Variants in KLF9 observed in about 807,000 individuals in gnomAD.
KLF9 encodes the protein Krueppel-like factor 9.
Under a neutral mutation model 17.3 loss-of-function variants are expected in KLF9, and 2 were observed. The ratio of observed to expected loss-of-function variants is 0.12; its 90% CI spans 0.05 to 0.36. KLF9 has a LOEUF of 0.36. KLF9 is among the 10% of genes least tolerant of loss of function. The pLI, the probability that KLF9 is intolerant of heterozygous loss-of-function variation, is 1.00. For missense variants in KLF9, 226 were observed against 333.2 expected, an observed-to-expected ratio of 0.68 and a Z score of 2.51; for synonymous variants, 138 against 139.2, an observed-to-expected ratio of 0.99 and a Z score of 0.06.
rs71489077 is a variant in KLF9, at chr9:70,409,187, T to TAC, written c.505+3671_505+3672insGT. Among the ~76,000 whole-genome samples, 26 of 62,248 alleles carry TAC rather than the reference T, an allele frequency of 4.2e-4. 1 individual carries two copies. The highest frequency in any genetic ancestry group is 1.0e-3 in the African/African-American group (24 of 23,632). The allele number at this position is 62,248 out of a possible 152,430, so 40.8% of individuals were successfully genotyped here. The stretch of plus-strand genomic sequence containing the variant: ...ACATATATGTATATATATGTATACA[T>TAC]ATACATGTATATGTATATATATATA... On this transcript the variant is annotated intron_variant, in intron 1 of 1. Transcript: ENST00000377126.
chr9:70,400,005 G>T (rs2037210785), intron 1 of KLF9, among the ~76,000 whole-genome samples: 1 of 152,202 alleles, frequency 6.6e-6, no homozygotes, highest in Non-Finnish European at 1.5e-5. Context: ...TAGAGACACA[G>T]AGGTCTCTAA....
At chr9:70,389,356 A>G (rs1564085564) in intron 1 of KLF9, among the ~76,000 whole-genome samples, 1 of 151,954 alleles carries the variant, frequency 6.6e-6, no homozygotes, top group Non-Finnish European at 1.5e-5. Flanking sequence ...AGCACTCCAC[A>G]AGGTTGCCCC....
chr9:70,408,740 T>C (rs1238884302), intron 1 of KLF9, among the ~76,000 whole-genome samples: 1 of 152,206 alleles, frequency 6.6e-6, no homozygotes. Flanking sequence ...GGCAACCTCA[T>C]GCCTTTAAGC....
At chr9:70,409,018 ATATG>A (rs1226392866) in intron 1 of KLF9, among the ~76,000 whole-genome samples, 1 of 132,902 alleles carries the variant, frequency 7.5e-6, no homozygotes, top group Non-Finnish European at 1.6e-5. Flanking sequence ...ATATACACAT[ATATG>A]TATATATATA....
chr9:70,397,341 G>A (rs1298426498), intron 1 of KLF9, among the ~76,000 whole-genome samples: 2 of 152,034 alleles, frequency 1.3e-5, no homozygotes, highest in Non-Finnish European at 2.9e-5. Flanking sequence ...CAGGCATGGT[G>A]GCACATGCCT....
chr9:70,413,368 C>A lies in KLF9; in HGVS notation c.-5G>T, dbSNP rs1299555626. 3 of 1,508,226 alleles carry A rather than the reference C, an allele frequency of 2.0e-6. No homozygotes were observed. The highest frequency in any genetic ancestry group is 1.8e-6 in the Non-Finnish European group (2 of 1,130,080). The allele number at this position is 1,508,226 out of a possible 1,614,324, so 93.4% of individuals were successfully genotyped here. ...CATGTAGGCGGCCGCGGACATGGTG[C>A]GGGCGACGGCAGCCCAGGCGGCGCG... On this transcript the variant is annotated 5_prime_UTR_variant, in exon 1 of 2. Coordinates refer to ENST00000377126, the MANE Select transcript of KLF9 (RefSeq NM_001206.4). This position sits in a 1 kb window ranked among gnomAD's most constrained non-coding sequence, Gnocchi z 5.6.
intron 1 of KLF9, among the ~76,000 whole-genome samples, chr9:70,402,208 G>A (rs1396728948): frequency 6.6e-6 from 1 of 152,118 alleles, no homozygotes; most frequent in African/African-American, 2.4e-5. Flanking sequence ...AAAGCCAGCT[G>A]TTTGGTTGTC....
chr9:70,387,858 A>C lies in KLF9; in HGVS notation c.653T>G (p.Leu218Arg). 6.2e-7 allele frequency: 1 copy of C among 1,613,816 alleles called. No individual in the cohort carries two copies. The change falls in exon 2 of 2, where the codon CTC (leucine) becomes CGC (arginine). Residue 218 changes from leucine (L) to arginine (R), a missense_variant. Physicochemically the swap from Leu to Arg is moderately radical, Grantham distance 102 (BLOSUM62 -2). Transcript: ENST00000377126. ...GGTGTGCCGCCGGGCGTGCTTTGTGAGGTGGTCACTCCTCATGAAGCGCTT... is the reference window on the plus strand; with the variant it reads ...GGTGTGCCGCCGGGCGTGCTTTGTGCGGTGGTCACTCCTCATGAAGCGCTT... ...CEKRFMRSDH[L>R]TKHARRHTEF...
intron 1 of KLF9, among the ~76,000 whole-genome samples, chr9:70,403,137 G>A (rs953555991): frequency 3.9e-5 from 6 of 152,130 alleles, no homozygotes; most frequent in African/African-American, 1.4e-4. Context: ...GCAGCAGGGC[G>A]AGACTTTGTC....
chr9:70,393,102 A>G (rs970448753), intron 1 of KLF9, among the ~76,000 whole-genome samples: 1 of 152,192 alleles, frequency 6.6e-6, no homozygotes, highest in African/African-American at 2.4e-5. Flanking sequence ...CTCAGAGTAT[A>G]AAATAAATGT....
intron 1 of KLF9, among the ~76,000 whole-genome samples, chr9:70,397,630 T>G (rs2037190957): frequency 6.6e-6 from 1 of 152,174 alleles, no homozygotes; most frequent in Non-Finnish European, 1.5e-5. Context: ...GAGGTGGAAA[T>G]GCACAAACAG....
chr9:70,407,103 T>A (rs1210258144), intron 1 of KLF9, among the ~76,000 whole-genome samples: 1 of 152,112 alleles, frequency 6.6e-6, no homozygotes, highest in Non-Finnish European at 1.5e-5. Context: ...ATCCGCCCAC[T>A]TTTCTTCTCA....
chr9:70,390,977 A>G (rs1291129774), intron 1 of KLF9, among the ~76,000 whole-genome samples: 4 of 151,908 alleles, frequency 2.6e-5, no homozygotes, highest in Admixed American at 1.3e-4. Context: ...AATGAAAGGA[A>G]GAGCTCAGTG....
intron 1 of KLF9, among the ~76,000 whole-genome samples, chr9:70,406,577 GAA>G (rs892574203): frequency 2.0e-5 from 3 of 152,190 alleles, no homozygotes; most frequent in Admixed American, 6.5e-5. Flanking sequence ...GTGGGGCGGA[GAA>G]AGAGAGCCAG....
chr9:70,406,367 T>TC (rs1338221764), intron 1 of KLF9, among the ~76,000 whole-genome samples: 1 of 151,776 alleles, frequency 6.6e-6, no homozygotes, highest in African/African-American at 2.4e-5. Context: ...GCCCTTCAAG[T>TC]CCCCCCAAAA....
chr9:70,402,271 C>T (rs2037227353), intron 1 of KLF9, among the ~76,000 whole-genome samples: 1 of 152,154 alleles, frequency 6.6e-6, no homozygotes, highest in Non-Finnish European at 1.5e-5. Flanking sequence ...TGTAGAATTA[C>T]AGAGCACAGG....
At chr9:70,406,656 T>G (rs892413029) in intron 1 of KLF9, among the ~76,000 whole-genome samples, 1 of 152,178 alleles carries the variant, frequency 6.6e-6, no homozygotes, top group Non-Finnish European at 1.5e-5. Context: ...TGGGGTTTTT[T>G]TCTTCGTCTT....
chr9:70,392,757 C>T (rs952512366), intron 1 of KLF9, among the ~76,000 whole-genome samples: 3 of 152,048 alleles, frequency 2.0e-5, no homozygotes, highest in South Asian at 2.1e-4. Context: ...CTTTGAGGCT[C>T]GGTGCTAAGG....
chr9:70,413,530 G>A lies in KLF9; in HGVS notation c.-167C>T, dbSNP rs1215236851. Reference sequence around the variant, plus strand: ...GCTTCCGACTCGCAGGAGCGCCGAGGCGACCTCAGCCCCTCATCTTTACGT... The same window carrying A: ...GCTTCCGACTCGCAGGAGCGCCGAGACGACCTCAGCCCCTCATCTTTACGT... On this transcript the variant is annotated 5_prime_UTR_variant, in exon 1 of 2. Transcript: ENST00000377126. The surrounding 1 kb of genome is among the most constrained non-coding windows in gnomAD (Gnocchi z 5.6). 1.8e-6 allele frequency: 1 copy of A among 571,070 alleles called. No individual in the cohort carries two copies. Among genetic ancestry groups the A allele is most frequent in the African/African-American group, 2.0e-5 (1 of 50,318 alleles). 35.4% of individuals were successfully genotyped at this position (571,070 alleles called of 1,614,324 possible).
Sources: allele counts gnomAD v4.1 joint callset (sites outside exome capture counted in the v4.1 genomes callset), GRCh38; gene constraint gnomAD v4.1.1; non-coding constraint Gnocchi (gnomAD v3.1); transcripts MANE v1.5; gene names NCBI Gene and HGNC (gene_info 2026-07-23, HGNC 2026-07-21).